Variants in SYN3 observed in about 807,000 individuals in gnomAD.
The protein encoded by SYN3 is synapsin-3.
A neutral mutation model predicts 65.8 loss-of-function variants in SYN3; 35 were observed. That is an observed-to-expected ratio of 0.53 (90% CI 0.41 to 0.70). The LOEUF (loss-of-function observed/expected upper bound fraction) is 0.70. Ranked by LOEUF, SYN3 falls within the 30% of genes least tolerant of loss-of-function variation. The probability of loss-of-function intolerance (pLI) is 0.00; values close to 1 mark genes in which losing one functional copy is unlikely to be tolerated. For synonymous variants in SYN3, 270 were observed against 292.9 expected (o/e 0.92, Z 0.80); for missense variants, 680 against 749.0 (o/e 0.91, Z 1.08).
chr22:32,788,327 G>A (rs1013709460), intron 6 of SYN3, among the ~76,000 whole-genome samples: 1 of 152,064 alleles, frequency 6.6e-6, no homozygotes, highest in Non-Finnish European at 1.5e-5. Context: ...GAATCACGAG[G>A]TCAGGAGTTC....
chr22:33,042,107 CAG>C (rs1432688517), intron 1 of SYN3, among the ~76,000 whole-genome samples: 1 of 152,182 alleles, frequency 6.6e-6, no homozygotes, highest in Non-Finnish European at 1.5e-5. Context: ...AGAAAAGACA[CAG>C]AGGTCGTTTC....
At chr22:32,580,005 C>G (rs1359705387) in intron 7 of SYN3, among the ~76,000 whole-genome samples, 1 of 152,264 alleles carries the variant, frequency 6.6e-6, no homozygotes, top group Non-Finnish European at 1.5e-5. Flanking sequence ...GCAACACTTT[C>G]TCTTCCCAGG....
chr22:32,734,882 GGGT>G (rs1490796455), intron 6 of SYN3, among the ~76,000 whole-genome samples: 1 of 152,166 alleles, frequency 6.6e-6, no homozygotes, highest in Non-Finnish European at 1.5e-5. Context: ...TTGCTTCTCA[GGGT>G]GGATACAGTC....
intron 7 of SYN3, 125 bp downstream of exon 7, chr22:32,596,549 C>T: frequency 3.2e-6 from 3 of 931,480 alleles, no homozygotes; most frequent in Non-Finnish European, 4.9e-6. Flanking sequence ...ACTATGGATT[C>T]TTTCTAACAC....
At chr22:32,760,548 C>T (rs1321219717) in intron 6 of SYN3, among the ~76,000 whole-genome samples, 1 of 152,060 alleles carries the variant, frequency 6.6e-6, no homozygotes, top group African/African-American at 2.4e-5. Context: ...CCACCACAGT[C>T]AGGGGAGGTT....
intron 7 of SYN3, among the ~76,000 whole-genome samples, chr22:32,556,768 C>T (rs1159393923): frequency 8.1e-6 from 1 of 123,956 alleles, no homozygotes; most frequent in Non-Finnish European, 1.7e-5. Context: ...TACCCAATGA[C>T]CCAATGACCC....
intron 3 of SYN3, among the ~76,000 whole-genome samples, chr22:32,976,298 G>A (rs1204220818): frequency 6.6e-6 from 1 of 152,164 alleles, no homozygotes; most frequent in Non-Finnish European, 1.5e-5. Context: ...CAAGGGCAGG[G>A]TTTATACCTT....
At chr22:32,752,530 A>G (rs1005209353) in intron 6 of SYN3, among the ~76,000 whole-genome samples, 1 of 152,208 alleles carries the variant, frequency 6.6e-6, no homozygotes, top group African/African-American at 2.4e-5. Flanking sequence ...AAACTATAAT[A>G]CAATGACTGC....
intron 7 of SYN3, among the ~76,000 whole-genome samples, chr22:32,565,438 T>C (rs546465526): frequency 6.6e-6 from 1 of 151,926 alleles, no homozygotes; most frequent in East Asian, 1.9e-4. Context: ...TACATATATA[T>C]ACACACACAT....
At chr22:32,779,664 T>C (rs1429865928) in intron 6 of SYN3, among the ~76,000 whole-genome samples, 1 of 152,140 alleles carries the variant, frequency 6.6e-6, no homozygotes, top group Non-Finnish European at 1.5e-5. Flanking sequence ...GGCACTCAGC[T>C]GGCTAGTTGC....
intron 6 of SYN3, among the ~76,000 whole-genome samples, chr22:32,690,990 T>C (rs2060654290): frequency 6.6e-6 from 1 of 152,172 alleles, no homozygotes; most frequent in South Asian, 2.1e-4. Flanking sequence ...GGGCTCAGGC[T>C]GCTGGGAAAG....
chr22:32,817,035 T>C lies in SYN3; in HGVS notation c.711+47880A>G, dbSNP rs548116752. On this transcript the variant is annotated intron_variant, in intron 6 of 13. Coordinates refer to ENST00000358763, the MANE Select transcript of SYN3 (RefSeq NM_003490.4). Reference sequence around the variant, plus strand: ...GAATTGAAGACCAGTCTGGGTCACATAGTAAGATTCCCTGTCTCTACTAAT... The same window carrying C: ...GAATTGAAGACCAGTCTGGGTCACACAGTAAGATTCCCTGTCTCTACTAAT... Among the ~76,000 whole-genome samples, 80 of 148,806 alleles carry C rather than the reference T, an allele frequency of 5.4e-4. 1 individual carries two copies. The highest frequency in any genetic ancestry group is 1.9e-3 in the African/African-American group (78 of 40,162).
chr22:32,976,697 T>C (rs541908643), intron 3 of SYN3, among the ~76,000 whole-genome samples: 1 of 152,080 alleles, frequency 6.6e-6, no homozygotes. Flanking sequence ...GAATGCAAAA[T>C]GTGCTGTCTC....
chr22:32,809,001 C>T (rs130275), intron 6 of SYN3, among the ~76,000 whole-genome samples: 23,630 of 152,152 alleles, frequency 0.16, 2,362 homozygotes, highest in East Asian at 0.32. Flanking sequence ...ACCCTAGCAC[C>T]CTCCCAGAGA....
At chr22:32,877,880 G>A (rs1363296413) in intron 4 of SYN3, among the ~76,000 whole-genome samples, 2 of 152,102 alleles carry the variant, frequency 1.3e-5, no homozygotes, top group African/African-American at 2.4e-5. Flanking sequence ...CCCTTACCTT[G>A]TCCTCATAGG....
At chr22:32,922,326 T>C (rs1278630429) in intron 4 of SYN3, among the ~76,000 whole-genome samples, 1 of 152,198 alleles carries the variant, frequency 6.6e-6, no homozygotes. Flanking sequence ...CATCCATTGG[T>C]GTTTCAGCCT....
At chr22:32,754,051 T>C (rs541302426) in intron 6 of SYN3, among the ~76,000 whole-genome samples, 251 of 152,360 alleles carry the variant, frequency 1.6e-3, no homozygotes, top group African/African-American at 5.7e-3. Flanking sequence ...CCCCGGACCA[T>C]GGTGGTGGTC....
At chr22:33,044,180 G>C (rs1601954693) in intron 1 of SYN3, among the ~76,000 whole-genome samples, 1 of 152,182 alleles carries the variant, frequency 6.6e-6, no homozygotes, top group South Asian at 2.1e-4. Context: ...ACAAAAAGAA[G>C]ATGTGGAGTC....
At chr22:32,920,518 A>C (rs2050309227) in intron 4 of SYN3, among the ~76,000 whole-genome samples, 1 of 152,196 alleles carries the variant, frequency 6.6e-6, no homozygotes, top group African/African-American at 2.4e-5. Context: ...GGGTTTGGAC[A>C]AAAACCAGAG....
Sources: allele counts gnomAD v4.1 joint callset (sites outside exome capture counted in the v4.1 genomes callset), GRCh38; gene constraint gnomAD v4.1.1; transcripts MANE v1.5; gene names NCBI Gene and HGNC (gene_info 2026-07-23, HGNC 2026-07-21).